The following SGCZ variants were observed in gnomAD, a reference collection of about 807,000 sequenced individuals.
The protein encoded by SGCZ is sarcoglycan zeta.
In SGCZ, 40 loss-of-function variants were observed where a neutral mutation model predicts 41.3. That is an observed-to-expected ratio of 0.97 (90% CI 0.75 to 1.26). SGCZ has a LOEUF of 1.26. SGCZ is among the 50% of genes most tolerant of loss of function. The probability of loss-of-function intolerance (pLI) is 0.00; values close to 1 mark genes in which losing one functional copy is unlikely to be tolerated. For synonymous variants in SGCZ, 206 were observed against 137.5 expected (o/e 1.50, Z -3.49); for missense variants, 552 against 369.8 (o/e 1.49, Z -4.04).
At position 14,866,951 on chromosome 8, in the gene SGCZ, G is replaced by A. The variant is rs1450708059; in HGVS notation, c.40-312025C>T. 2.0e-5 allele frequency among the ~76,000 whole-genome samples: 3 copies of A among 152,216 alleles called. No homozygotes were observed. In the East Asian group the frequency reaches 5.8e-4, roughly 29 times the overall value. ...TCTGAGAGAGCACGCTGTTTTGTTT[G>A]TTTGTTTTGTTTTACCTAGGATACA... On this transcript the variant is annotated intron_variant, in intron 1 of 7. Transcript: ENST00000382080.
At chr8:14,560,976 C>A (rs1367277692) in intron 1 of SGCZ, among the ~76,000 whole-genome samples, 1 of 152,094 alleles carries the variant, frequency 6.6e-6, no homozygotes, top group African/African-American at 2.4e-5. Flanking sequence ...AAATTGTCTT[C>A]ATCACAAAAT....
intron 1 of SGCZ, among the ~76,000 whole-genome samples, chr8:15,189,536 A>G (rs1442712378): frequency 6.6e-6 from 1 of 151,400 alleles, no homozygotes; most frequent in Non-Finnish European, 1.5e-5. Context: ...TACAGTTAGC[A>G]TTTCAAAATA....
At chr8:14,363,916 G>A (rs1283100179) in intron 2 of SGCZ, among the ~76,000 whole-genome samples, 1 of 151,976 alleles carries the variant, frequency 6.6e-6, no homozygotes, top group African/African-American at 2.4e-5. Flanking sequence ...ACATATCACT[G>A]TTTCCTCCTT....
rs967769126 is a variant in SGCZ, at chr8:14,090,923, A to T, written c.745-286T>A. 1.1e-4 allele frequency among the ~76,000 whole-genome samples: 17 copies of T among 152,132 alleles called. 1 individual carries two copies. Among genetic ancestry groups the T allele is most frequent in the Admixed American group, 9.8e-4 (15 of 15,252 alleles). The stretch of plus-strand genomic sequence containing the variant: ...GGGCCAACCCAGTTACTTAAACACC[A>T]CAGAAAATTAATGATTTTGACAGTC... On this transcript the variant is annotated intron_variant, in intron 7 of 7. Transcript: ENST00000382080.
At chr8:14,888,779 C>G (rs1804902621) in intron 1 of SGCZ, among the ~76,000 whole-genome samples, 1 of 152,078 alleles carries the variant, frequency 6.6e-6, no homozygotes, top group African/African-American at 2.4e-5. Context: ...TATATACATT[C>G]ATTTGTTTTT....
intron 1 of SGCZ, among the ~76,000 whole-genome samples, chr8:14,640,649 G>GGTGTGTGT (rs3068698): frequency 2.7e-5 from 4 of 149,878 alleles, no homozygotes; most frequent in East Asian, 2.0e-4. Context: ...TATATATAGG[G>GGTGTGTGT]GTGTGTGTGT....
At chr8:14,464,806 A>G (rs1801004000) in intron 2 of SGCZ, among the ~76,000 whole-genome samples, 1 of 151,322 alleles carries the variant, frequency 6.6e-6, no homozygotes, top group African/African-American at 2.4e-5. Flanking sequence ...TCACCTCTAA[A>G]TATTTTTATA....
chr8:15,145,344 C>G (rs1271260293), intron 1 of SGCZ, among the ~76,000 whole-genome samples: 1 of 152,160 alleles, frequency 6.6e-6, no homozygotes, highest in Non-Finnish European at 1.5e-5. Context: ...TGTCAATACC[C>G]TCAAATGAAA....
intron 2 of SGCZ, among the ~76,000 whole-genome samples, chr8:14,326,604 A>G (rs1802125363): frequency 6.6e-6 from 1 of 152,180 alleles, no homozygotes; most frequent in South Asian, 2.1e-4. Flanking sequence ...TCCTTGAGGC[A>G]AGTGAAAATG....
intron 2 of SGCZ, among the ~76,000 whole-genome samples, chr8:14,489,418 T>A (rs6988398): frequency 0.01 from 1,559 of 152,268 alleles, 31 homozygotes; most frequent in African/African-American, 0.035. Context: ...AGCATGACAA[T>A]TTTACCAAAT....
intron 2 of SGCZ, among the ~76,000 whole-genome samples, chr8:14,534,189 C>A (rs899158126): frequency 6.6e-6 from 1 of 151,800 alleles, no homozygotes; most frequent in African/African-American, 2.4e-5. Flanking sequence ...CAGGTGAAAG[C>A]TGAAGTTATG....
At chr8:14,561,601 G>C (rs200663810) in intron 1 of SGCZ, among the ~76,000 whole-genome samples, 1 of 151,996 alleles carries the variant, frequency 6.6e-6, no homozygotes, top group Admixed American at 6.6e-5. Flanking sequence ...TGTTTAAAAA[G>C]CATTCATTAG....
At chr8:14,205,989 G>C (rs981687962) in intron 4 of SGCZ, among the ~76,000 whole-genome samples, 2 of 152,026 alleles carry the variant, frequency 1.3e-5, no homozygotes, top group Non-Finnish European at 2.9e-5. Flanking sequence ...AACTAAAGAA[G>C]TTACATAATT....
At chr8:14,308,635 C>A (rs535592569) in intron 3 of SGCZ, among the ~76,000 whole-genome samples, 2 of 151,884 alleles carry the variant, frequency 1.3e-5, no homozygotes, top group Admixed American at 6.6e-5. Flanking sequence ...TATAAAACAT[C>A]CATCCAGACA....
At chr8:15,206,669 G>T (rs2054056) in intron 1 of SGCZ, among the ~76,000 whole-genome samples, 118,522 of 151,950 alleles carry the variant, frequency 0.78, 46,716 homozygotes, top group Non-Finnish European at 0.83. Context: ...GGCTGGTCTC[G>T]AACTCCTGAC....
chr8:14,624,664 G>A (rs1433484795), intron 1 of SGCZ, among the ~76,000 whole-genome samples: 3 of 145,064 alleles, frequency 2.1e-5, no homozygotes, highest in East Asian at 2.2e-4. Flanking sequence ...TCCGCCTCCC[G>A]GGGTCAAGTA....
At chr8:14,251,300 T>C (rs571020381) in intron 3 of SGCZ, among the ~76,000 whole-genome samples, 6 of 152,184 alleles carry the variant, frequency 3.9e-5, no homozygotes, top group Admixed American at 6.6e-5. Flanking sequence ...CATCATGTTT[T>C]TCTCTCAGGG....
Position 14,102,513 on chromosome 8 carries a change from A to T in SGCZ, c.621-14T>A. On this transcript the variant is annotated splice_polypyrimidine_tract_variant and intron_variant, in intron 6 of 7. Coordinates refer to ENST00000382080, the MANE Select transcript of SGCZ (RefSeq NM_139167.4). ...GGTGATTCAAGCCTAAGGGAAAAAC[A>T]AAAAATCATTAATAGGAAAAAAAAA... The T allele has an allele frequency of 7.2e-7, 1 of 1,390,076 alleles. No homozygotes were observed. Among genetic ancestry groups the T allele is most frequent in the African/African-American group, 1.5e-5 (1 of 67,802 alleles). The allele number at this position is 1,390,076 out of a possible 1,614,324, so 86.1% of individuals were successfully genotyped here.
At chr8:14,661,252 TTAAAA>T (rs764729919) in intron 1 of SGCZ, among the ~76,000 whole-genome samples, 4 of 152,136 alleles carry the variant, frequency 2.6e-5, no homozygotes, top group African/African-American at 4.8e-5. Context: ...CTAGAGTAAC[TTAAAA>T]TAGAATATTA....
Sources: allele counts gnomAD v4.1 joint callset (sites outside exome capture counted in the v4.1 genomes callset), GRCh38; gene constraint gnomAD v4.1.1; transcripts MANE v1.5; gene names NCBI Gene and HGNC (gene_info 2026-07-23, HGNC 2026-07-21).